ATP8B1: variants seen among roughly 807,000 people sequenced by gnomAD.
ATP8B1 encodes phospholipid-transporting ATPase IC.
ATP8B1 carries 80 observed loss-of-function variants against 149.9 expected under a neutral mutation model. That is an observed-to-expected ratio of 0.53 (90% CI 0.45 to 0.64). ATP8B1 has a LOEUF of 0.64. ATP8B1 is among the 30% of genes least tolerant of loss of function. The pLI, the probability that ATP8B1 is intolerant of heterozygous loss-of-function variation, is 0.00. For missense variants in ATP8B1, 1,247 were observed against 1,552.6 expected, an observed-to-expected ratio of 0.80 and a Z score of 3.31; for synonymous variants, 536 against 562.8, an observed-to-expected ratio of 0.95 and a Z score of 0.67.
rs745865687 is a variant in ATP8B1 at position 57,655,185 on chromosome 18, T to C, written c.2931+9A>G. 1.3e-6 allele frequency: 2 copies of C among 1,590,158 alleles called. No individual in the cohort carries two copies. The highest frequency in any genetic ancestry group is 1.1e-5 in the South Asian group (1 of 90,556). On this transcript the variant is annotated intron_variant, in intron 23 of 27. Transcript: ENST00000648908. The stretch of plus-strand genomic sequence containing the variant: ...TTAGTAAATAACAATAATAACAACA[T>C]TACATTACCTGCGCAGAGTAGCCAT...
chr18:57,661,757 C>T (rs1910460533), intron 21 of ATP8B1, among the ~76,000 whole-genome samples: 1 of 140,126 alleles, frequency 7.1e-6, no homozygotes, highest in African/African-American at 2.7e-5. Context: ...ACTCTGTTGC[C>T]AGGCTGGAAT....
chr18:57,791,174 C>A (rs923358237), intron 1 of ATP8B1, among the ~76,000 whole-genome samples: 1 of 152,152 alleles, frequency 6.6e-6, no homozygotes, highest in Admixed American at 6.5e-5. Flanking sequence ...CCCTGGCAAC[C>A]ACTGCTCAGT....
At chr18:57,792,810 G>A (rs2080476956) in intron 1 of ATP8B1, among the ~76,000 whole-genome samples, 2 of 152,110 alleles carry the variant, frequency 1.3e-5, no homozygotes, top group Non-Finnish European at 2.9e-5. Context: ...GAGATGGGGA[G>A]TGGCTGGAAA....
intron 1 of ATP8B1, among the ~76,000 whole-genome samples, chr18:57,763,347 G>T (rs916463850): frequency 6.6e-6 from 1 of 151,816 alleles, no homozygotes; most frequent in Non-Finnish European, 1.5e-5. Context: ...AGCCGAGATC[G>T]TGCCACAGCA....
intron 13 of ATP8B1, 41 bp from the exon 14 acceptor site, chr18:57,685,156 A>G: frequency 6.2e-7 from 1 of 1,608,448 alleles, no homozygotes; most frequent in Non-Finnish European, 8.5e-7. Flanking sequence ...TTCTACACCT[A>G]TGTCCAGAGG....
intron 24 of ATP8B1, 88 bp downstream of exon 24, chr18:57,653,904 C>G (rs1909809241): frequency 8.4e-7 from 1 of 1,186,914 alleles, no homozygotes; most frequent in Non-Finnish European, 1.2e-6. Context: ...AAGTAAACAC[C>G]AGAAGAATGC....
chr18:57,752,207 A>AAATAAGAAT (rs1555653243), intron 1 of ATP8B1, among the ~76,000 whole-genome samples: 7 of 138,308 alleles, frequency 5.1e-5, no homozygotes, highest in Non-Finnish European at 9.3e-5. Flanking sequence ...ACCCTGTCTC[A>AAATAAGAAT]AATAATAATA....
At chr18:57,771,390 A>C (rs903861471) in intron 1 of ATP8B1, among the ~76,000 whole-genome samples, 2 of 152,180 alleles carry the variant, frequency 1.3e-5, no homozygotes, top group Admixed American at 6.5e-5. Flanking sequence ...GGCGTGGTGC[A>C]TCTCCTATTG....
chr18:57,762,984 G>A (rs184354045), intron 1 of ATP8B1, among the ~76,000 whole-genome samples: 1 of 152,286 alleles, frequency 6.6e-6, no homozygotes, highest in Admixed American at 6.5e-5. Context: ...AGAAAGTCAG[G>A]AGTTCAAAGA....
chr18:57,725,314 A>G (rs1014323832), intron 2 of ATP8B1, among the ~76,000 whole-genome samples: 2 of 152,198 alleles, frequency 1.3e-5, no homozygotes, highest in African/African-American at 4.8e-5. Context: ...CTAAGAATTA[A>G]GTTTACCAAA....
intron 15 of ATP8B1, among the ~76,000 whole-genome samples, chr18:57,682,869 C>T (rs1443572406): frequency 6.6e-6 from 1 of 151,996 alleles, no homozygotes; most frequent in Non-Finnish European, 1.5e-5. Flanking sequence ...GATAGGGTCT[C>T]ACTCCATCAC....
At position 57,762,126 on chromosome 18, in the gene ATP8B1, C is replaced by CAT. The variant is rs1177400982; in HGVS notation, c.-25-30296_-25-30295dup. 2.3e-3 allele frequency among the ~76,000 whole-genome samples: 226 copies of CAT among 96,544 alleles called. 1 individual carries two copies. The highest frequency in any genetic ancestry group is 5.3e-3 in the Middle Eastern group (1 of 190). The allele number at this position is 96,544 out of a possible 152,430, so 63.3% of individuals were successfully genotyped here. A position where few individuals can be genotyped will look rare whatever the true frequency, so the allele number is the denominator to read the frequency against. ...CAATAATGAGATACACACACACACA[C>CAT]ATATATATATATATATTTTTTTTTT... On this transcript the variant is annotated intron_variant, in intron 1 of 27. Transcript: ENST00000648908.
chr18:57,700,795 G>T, intron 6 of ATP8B1, among the ~76,000 whole-genome samples: 1 of 152,154 alleles, frequency 6.6e-6, no homozygotes, highest in East Asian at 1.9e-4. Context: ...GTGCACGCCT[G>T]TAATCCCATC....
intron 23 of ATP8B1, among the ~76,000 whole-genome samples, chr18:57,654,413 G>C (rs1909848806): frequency 6.6e-6 from 1 of 151,978 alleles, no homozygotes; most frequent in Non-Finnish European, 1.5e-5. Context: ...CTGCCTCCCA[G>C]GTTCAAGTGA....
intron 12 of ATP8B1, chr18:57,688,715 G>C: frequency 1.7e-6 from 1 of 594,298 alleles, no homozygotes; most frequent in Non-Finnish European, 3.0e-6. Context: ...ATTAGGTCAT[G>C]AGGGCTCCAC....
At chr18:57,657,191 A>G (rs1568181183) in intron 22 of ATP8B1, among the ~76,000 whole-genome samples, 1 of 152,126 alleles carries the variant, frequency 6.6e-6, no homozygotes, top group African/African-American at 2.4e-5. Flanking sequence ...GTTTTAACCA[A>G]GAAACTATTA....
intron 22 of ATP8B1, among the ~76,000 whole-genome samples, chr18:57,658,100 G>A (rs982786156): frequency 6.6e-6 from 1 of 151,512 alleles, no homozygotes; most frequent in African/African-American, 2.4e-5. Context: ...AGGCTGGAGT[G>A]CAGTGGTGCG....
rs757976892 is a variant in ATP8B1 at position 57,662,478 on chromosome 18, C to T, written c.2418+5G>A. On this transcript the variant is annotated splice_donor_5th_base_variant and intron_variant, in intron 21 of 27. Coordinates refer to ENST00000648908, the MANE Select transcript of ATP8B1 (RefSeq NM_001374385.1). Reference sequence around the variant, plus strand: ...TAAAGGCACAGATACACTAATGATACGTACCAACCAAGAACCAGTGATGAT... The same window carrying T: ...TAAAGGCACAGATACACTAATGATATGTACCAACCAAGAACCAGTGATGAT... The T allele has an allele frequency of 3.1e-6, 5 of 1,613,928 alleles. No individual in the cohort carries two copies. The highest frequency in any genetic ancestry group is 2.7e-5 in the African/African-American group (2 of 74,900).
chr18:57,668,474 C>A lies in ATP8B1; in HGVS notation c.2164G>T (p.Ala722Ser), dbSNP rs781142371. The A allele has an allele frequency of 6.3e-7, 1 of 1,586,376 alleles. No homozygotes were observed. The highest frequency in any genetic ancestry group is 8.6e-7 in the Non-Finnish European group (1 of 1,167,266). Reference sequence around the variant, plus strand: ...ACCCAGATCTTAATGTCAGCTTTTGCAAGTTTTGAAATGGTTTCTGGAACT... The same window carrying A: ...ACCCAGATCTTAATGTCAGCTTTTGAAAGTTTTGAAATGGTTTCTGGAACT... Reference protein sequence around the residue: ...DGVPETISKLAKADIKIWVLT... With the variant: ...DGVPETISKLSKADIKIWVLT... Residue 722 changes from alanine (A) to serine (S), a missense_variant, in exon 19 of 28, where the codon GCA (alanine) becomes TCA (serine). Around this residue, in one of 3 missense-constraint regions of ATP8B1, gnomAD observed 853 missense variants for 1,035.7 expected, o/e 0.82. Transcript: ENST00000648908.
Sources: gnomAD v4.1 joint callset for allele counts (sites outside exome capture counted in the v4.1 genomes callset) on GRCh38, gnomAD v4.1.1 for gene constraint, gnomAD v4.1.1 regional missense constraint, MANE v1.5 for transcripts, NCBI Gene and HGNC (gene_info 2026-07-23, HGNC 2026-07-21) for gene names.